EIPR1: variants seen among roughly 807,000 people sequenced by gnomAD.
The protein encoded by EIPR1 is EARP and GARP complex-interacting protein 1.
Under a neutral mutation model 48.1 loss-of-function variants are expected in EIPR1, and 25 were observed. The ratio of observed to expected loss-of-function variants is 0.52; its 90% confidence interval spans 0.38 to 0.73. The LOEUF is 0.73. Among genes scored for constraint, EIPR1 ranks in the 30% least tolerant of loss-of-function variants. The pLI is 0.00. For synonymous variants in EIPR1, 204 were observed against 201.9 expected (o/e 1.01, Z -0.09); for missense variants, 415 against 506.2 (o/e 0.82, Z 1.73).
At chr2:3,241,175 C>CAGATCCTTCCTCAAGAACAGT (rs1666613300) in intron 4 of EIPR1, among the ~76,000 whole-genome samples, 1 of 151,198 alleles carries the variant, frequency 6.6e-6, no homozygotes, top group Non-Finnish European at 1.5e-5. Flanking sequence ...TCAAGAACAG[C>CAGATCCTTCCTCAAGAACAGT]GAGCAGGTCC....
chr2:3,323,277 C>G (rs966294393), intron 3 of EIPR1, among the ~76,000 whole-genome samples: 24 of 152,198 alleles, frequency 1.6e-4, no homozygotes, highest in Non-Finnish European at 2.9e-5. Context: ...GTGGTCCCCC[C>G]AGCCAGGAAC....
chr2:3,364,100 T>A (rs34878011), intron 1 of EIPR1, among the ~76,000 whole-genome samples: 2 of 152,154 alleles, frequency 1.3e-5, no homozygotes, highest in African/African-American at 4.8e-5. Context: ...AAGAAGAGTA[T>A]GGCGTCTCCT....
chr2:3,210,313 A>G (rs1665400265), intron 5 of EIPR1, among the ~76,000 whole-genome samples: 1 of 152,198 alleles, frequency 6.6e-6, no homozygotes, highest in Non-Finnish European at 1.5e-5. Flanking sequence ...CACGAAGGGA[A>G]CAACTCCTCA....
At chr2:3,245,099 T>C (rs1666754087) in intron 4 of EIPR1, among the ~76,000 whole-genome samples, 1 of 152,232 alleles carries the variant, frequency 6.6e-6, no homozygotes, top group Non-Finnish European at 1.5e-5. Flanking sequence ...TAATAATTAA[T>C]TTTAATAACA....
At chr2:3,274,503 C>A in intron 3 of EIPR1, 1 of 1,481,028 alleles carries the variant, frequency 6.8e-7, no homozygotes. Flanking sequence ...AGCCATGAGA[C>A]CCTACTTGGG....
chr2:3,201,123 C>G (rs900887610), intron 5 of EIPR1, among the ~76,000 whole-genome samples: 1 of 152,162 alleles, frequency 6.6e-6, no homozygotes, highest in Non-Finnish European at 1.5e-5. Context: ...CTGGGCCCCT[C>G]TCTCCACACC....
intron 2 of EIPR1, among the ~76,000 whole-genome samples, chr2:3,339,255 G>A (rs1177638789): frequency 6.6e-6 from 1 of 152,206 alleles, no homozygotes; most frequent in African/African-American, 2.4e-5. Context: ...GGAATTATAG[G>A]TGGTTTTCCT....
intron 3 of EIPR1, among the ~76,000 whole-genome samples, chr2:3,314,072 C>T (rs149375696): frequency 2.0e-5 from 3 of 152,284 alleles, no homozygotes; most frequent in Non-Finnish European, 4.4e-5. Flanking sequence ...GCAACATCGG[C>T]GGATGCAGAG....
intron 4 of EIPR1, among the ~76,000 whole-genome samples, chr2:3,227,042 CAAAT>C (rs1666086152): frequency 6.6e-6 from 1 of 152,128 alleles, no homozygotes; most frequent in South Asian, 2.1e-4. Flanking sequence ...TGAAAACAGA[CAAAT>C]ACGGTAAATT....
intron 1 of EIPR1, among the ~76,000 whole-genome samples, chr2:3,376,418 T>G (rs1659886182): frequency 6.6e-6 from 1 of 152,090 alleles, no homozygotes; most frequent in South Asian, 2.1e-4. Flanking sequence ...ATTGGCCAGG[T>G]GCGGTGGCTC....
intron 4 of EIPR1, among the ~76,000 whole-genome samples, chr2:3,218,609 CACTCTA>C (rs1665737305): frequency 2.0e-5 from 3 of 146,926 alleles, no homozygotes; most frequent in Admixed American, 6.8e-5. Context: ...GGCCCTGATA[CACTCTA>C]GAGCTTTCAC....
At chr2:3,259,528 G>A (rs781213414) in intron 3 of EIPR1, among the ~76,000 whole-genome samples, 20 of 152,112 alleles carry the variant, frequency 1.3e-4, no homozygotes, top group Non-Finnish European at 2.1e-4. Flanking sequence ...CCACGTATCC[G>A]GTTCATGTAG....
intron 3 of EIPR1, among the ~76,000 whole-genome samples, chr2:3,295,472 A>ACG (rs1668536335): frequency 8.5e-6 from 1 of 117,706 alleles, no homozygotes. Context: ...CTCTCTACAC[A>ACG]CCCTCCATCC....
intron 2 of EIPR1, among the ~76,000 whole-genome samples, chr2:3,351,801 G>A (rs542951832): frequency 4.9e-4 from 74 of 152,294 alleles, no homozygotes; most frequent in Non-Finnish European, 8.2e-4. Context: ...CCAATTTGAG[G>A]TTTTGCTTTC....
At chr2:3,327,319 G>A (rs1446723218) in intron 3 of EIPR1, among the ~76,000 whole-genome samples, 2 of 152,136 alleles carry the variant, frequency 1.3e-5, no homozygotes, top group Non-Finnish European at 2.9e-5. Flanking sequence ...GAGTAGCTGG[G>A]ACTACAGGCA....
At chr2:3,219,036 A>G (rs1300264681) in intron 4 of EIPR1, among the ~76,000 whole-genome samples, 5 of 138,368 alleles carry the variant, frequency 3.6e-5, no homozygotes, top group East Asian at 2.3e-4. Context: ...ACTCTAGAGC[A>G]TTCACAGTGA....
intron 4 of EIPR1, among the ~76,000 whole-genome samples, chr2:3,237,690 G>T (rs1161374954): frequency 6.6e-6 from 1 of 152,200 alleles, no homozygotes; most frequent in East Asian, 1.9e-4. Context: ...GGCAAGCGTG[G>T]AATGCTGCGG....
chr2:3,374,121 A>C (rs1265295423), intron 1 of EIPR1, among the ~76,000 whole-genome samples: 1 of 149,802 alleles, frequency 6.7e-6, no homozygotes, highest in East Asian at 2.0e-4. Context: ...AAAAACAAGC[A>C]ATGGGGAAAG....
intron 2 of EIPR1, among the ~76,000 whole-genome samples, chr2:3,339,830 G>A (rs1384950135): frequency 1.3e-5 from 2 of 152,188 alleles, no homozygotes; most frequent in Non-Finnish European, 2.9e-5. Context: ...GGCACCTGTA[G>A]TCCCAGCTAC....
Sources: allele counts gnomAD v4.1 joint callset (sites outside exome capture counted in the v4.1 genomes callset), GRCh38; gene constraint gnomAD v4.1.1; transcripts MANE v1.5; gene names NCBI Gene and HGNC (gene_info 2026-07-23, HGNC 2026-07-21).